RAB39A: variants seen among roughly 807,000 people sequenced by gnomAD.
RAB39A encodes the protein RAB39A, member RAS oncogene family.
In RAB39A, 17 loss-of-function variants were observed where a neutral mutation model predicts 20.9. The ratio of observed to expected loss-of-function variants is 0.81; its 90% CI spans 0.56 to 1.22. The LOEUF (loss-of-function observed/expected upper bound fraction) is 1.22, where lower values mean the gene tolerates loss of function less well. Ranked by LOEUF, RAB39A falls within the 50% of genes most tolerant of loss-of-function variation. The pLI is 0.00. For missense variants in RAB39A, 234 were observed against 270.5 expected (o/e 0.87, Z 0.95); for synonymous variants, 99 against 103.4 (o/e 0.96, Z 0.26).
chr11:107,933,678 T>TG (rs1861163913), intron 1 of RAB39A, among the ~76,000 whole-genome samples: 1 of 140,422 alleles, frequency 7.1e-6, no homozygotes, highest in Admixed American at 7.2e-5. Flanking sequence ...CACCTGTGAT[T>TG]CTTTTTTTTT....
intron 1 of RAB39A, among the ~76,000 whole-genome samples, chr11:107,958,678 A>G (rs1373704509): frequency 6.6e-6 from 1 of 152,220 alleles, no homozygotes; most frequent in African/African-American, 2.4e-5. Context: ...GGGTTTTTTT[A>G]TAATGTGTAT....
At chr11:107,951,026 C>G (rs995240632) in intron 1 of RAB39A, among the ~76,000 whole-genome samples, 3 of 152,104 alleles carry the variant, frequency 2.0e-5, no homozygotes, top group Non-Finnish European at 2.9e-5. Context: ...AAATATGACC[C>G]ATTACATCTT....
rs561399074 is a variant in RAB39A, at chr11:107,935,900, C to CTT, written c.227+7129_227+7130dup. Among the ~76,000 whole-genome samples, 82 of 81,570 alleles carry CTT rather than the reference C, an allele frequency of 1.0e-3. 1 individual carries two copies. The highest frequency in any genetic ancestry group is 3.3e-3 in the African/African-American group (71 of 21,390). The allele number at this position is 81,570 out of a possible 152,430, so 53.5% of individuals were successfully genotyped here. A position where few individuals can be genotyped will look rare whatever the true frequency, so the allele number is the denominator to read the frequency against. On this transcript the variant is annotated intron_variant, in intron 1 of 1. Transcript: ENST00000320578. ...AACGCAGCCCAGCAAGTCCTGGCCA[C>CTT]TTTTTTTTTTTTTTTTTTTTTTTTT...
intron 1 of RAB39A, among the ~76,000 whole-genome samples, chr11:107,957,841 A>G (rs954236777): frequency 2.0e-5 from 3 of 150,792 alleles, no homozygotes; most frequent in Admixed American, 1.3e-4. Context: ...CCATTCCCTG[A>G]CCCCACAATT....
In RAB39A at chr11:107,962,043, G is replaced by C; in HGVS notation, c.325G>C (p.Glu109Gln). Residue 109 changes from glutamate (E) to glutamine (Q), a missense_variant, in exon 2 of 2, where the codon GAA becomes CAA. Physicochemically the swap from Glu to Gln is conservative, Grantham distance 29 (BLOSUM62 2). Coordinates refer to ENST00000320578, the MANE Select transcript of RAB39A (RefSeq NM_017516.3). The stretch of plus-strand genomic sequence containing the variant: ...TTTTGAACATGTGAAAGATTGGCTA[G>C]AAGAAGCAAAAATGTATGTACAGCC... ...RSFEHVKDWLEEAKMYVQPFR... is the reference protein window; with the variant it reads ...RSFEHVKDWLQEAKMYVQPFR... 1 of 1,614,064 alleles carries C rather than the reference G, an allele frequency of 6.2e-7. No individual in the cohort carries two copies. Among genetic ancestry groups the C allele is most frequent in the Non-Finnish European group, 8.5e-7 (1 of 1,179,976 alleles).
Position 107,928,511 on chromosome 11 carries a change from C to A in RAB39A, c.-58C>A. The stretch of plus-strand genomic sequence containing the variant: ...CGCGAGGTGCTGAAAGGACAGTTCC[C>A]GCCGCCGAACTTAGCCCGCGGGTGG... On this transcript the variant is annotated 5_prime_UTR_variant, in exon 1 of 2. Coordinates refer to ENST00000320578, the MANE Select transcript of RAB39A (RefSeq NM_017516.3). This position sits in a 1 kb window ranked among gnomAD's most constrained non-coding sequence, Gnocchi z 4.9. 1 of 1,327,348 alleles carries A rather than the reference C, an allele frequency of 7.5e-7. No individual in the cohort carries two copies. The allele number at this position is 1,327,348 out of a possible 1,614,324, so 82.2% of individuals were successfully genotyped here. A position where few individuals can be genotyped will look rare whatever the true frequency, so the allele number is the denominator to read the frequency against.
At position 107,933,311 on chromosome 11, in the gene RAB39A, ATATGTGTGTG is replaced by A. The variant is rs1390666488; in HGVS notation, c.227+4518_227+4527del. On this transcript the variant is annotated intron_variant, in intron 1 of 1. Coordinates refer to ENST00000320578, the MANE Select transcript of RAB39A (RefSeq NM_017516.3). Reference sequence around the variant, plus strand: ...CTTTCCTGTGATTCTTTATATATATATATGTGTGTGTGTGTGTGTGTGTGTGTGTGTGTGT... The same window carrying A: ...CTTTCCTGTGATTCTTTATATATATATGTGTGTGTGTGTGTGTGTGTGTGT... 1.4e-3 allele frequency among the ~76,000 whole-genome samples: 71 copies of A among 51,998 alleles called. 1 individual carries two copies. Among genetic ancestry groups the A allele is most frequent in the South Asian group, 1.9e-3 (2 of 1,048 alleles). 34.1% of individuals were successfully genotyped at this position (51,998 alleles called of 152,430 possible). A position where few individuals can be genotyped will look rare whatever the true frequency, so the allele number is the denominator to read the frequency against.
intron 1 of RAB39A, among the ~76,000 whole-genome samples, chr11:107,960,055 C>G (rs1350843861): frequency 6.6e-6 from 1 of 152,000 alleles, no homozygotes; most frequent in African/African-American, 2.4e-5. Flanking sequence ...ACTAAAAATA[C>G]AAAAATTAGC....
intron 1 of RAB39A, among the ~76,000 whole-genome samples, chr11:107,958,565 C>A (rs1861461879): frequency 6.6e-6 from 1 of 152,206 alleles, no homozygotes; most frequent in African/African-American, 2.4e-5. Context: ...ATATCTGAAT[C>A]TGAAGCCCCA....
chr11:107,960,245 GTA>G (rs1469795623), intron 1 of RAB39A, among the ~76,000 whole-genome samples: 22 of 151,670 alleles, frequency 1.5e-4, no homozygotes, highest in Non-Finnish European at 5.9e-5. Context: ...AACAAACATT[GTA>G]TGACATCTGT....
At chr11:107,937,943 T>C (rs562032254) in intron 1 of RAB39A, among the ~76,000 whole-genome samples, 1 of 152,304 alleles carries the variant, frequency 6.6e-6, no homozygotes, top group African/African-American at 2.4e-5. Context: ...GTAGGTATTA[T>C]GGGTCAGATA....
chr11:107,945,402 CT>C (rs1380537623), intron 1 of RAB39A, among the ~76,000 whole-genome samples: 2 of 151,058 alleles, frequency 1.3e-5, no homozygotes, highest in Admixed American at 6.6e-5. Flanking sequence ...TTTTTTCCCC[CT>C]GAAACCTTAC....
intron 1 of RAB39A, among the ~76,000 whole-genome samples, chr11:107,947,226 C>A (rs962597016): frequency 6.6e-6 from 1 of 151,974 alleles, no homozygotes; most frequent in African/African-American, 2.4e-5. Context: ...CTCAGCCTCC[C>A]GAGTAGCTGG....
At chr11:107,952,647 C>T (rs1462527278) in intron 1 of RAB39A, among the ~76,000 whole-genome samples, 2 of 151,720 alleles carry the variant, frequency 1.3e-5, no homozygotes, top group Non-Finnish European at 2.9e-5. Context: ...TTTGGGAGGC[C>T]GAGGCAGGCA....
intron 1 of RAB39A, among the ~76,000 whole-genome samples, chr11:107,960,640 G>C (rs997912121): frequency 5.9e-5 from 9 of 152,150 alleles, no homozygotes; most frequent in African/African-American, 2.2e-4. Flanking sequence ...TCAGCATCAA[G>C]GATACTAATA....
At chr11:107,950,036 C>T (rs1024178376) in intron 1 of RAB39A, among the ~76,000 whole-genome samples, 2 of 151,952 alleles carry the variant, frequency 1.3e-5, no homozygotes, top group African/African-American at 4.8e-5. Context: ...AAAAATTAGC[C>T]GGGCGTGGTG....
chr11:107,930,455 T>C (rs538521678), intron 1 of RAB39A, among the ~76,000 whole-genome samples: 3 of 152,182 alleles, frequency 2.0e-5, no homozygotes, highest in Non-Finnish European at 4.4e-5. Context: ...CCCTCTGAAG[T>C]GAATACAATA....
chr11:107,953,512 C>T (rs561343918), intron 1 of RAB39A, among the ~76,000 whole-genome samples: 6 of 152,252 alleles, frequency 3.9e-5, no homozygotes, highest in Admixed American at 1.3e-4. Flanking sequence ...TCTGCCTGCT[C>T]ACCCCCTGCC....
chr11:107,957,195 T>C (rs1861445514), intron 1 of RAB39A, among the ~76,000 whole-genome samples: 1 of 152,124 alleles, frequency 6.6e-6, no homozygotes, highest in African/African-American at 2.4e-5. Flanking sequence ...GATGTTGAAA[T>C]CAGTAAGCAG....
Sources: allele counts gnomAD v4.1 joint callset (sites outside exome capture counted in the v4.1 genomes callset), GRCh38; gene constraint gnomAD v4.1.1; non-coding constraint Gnocchi (gnomAD v3.1); transcripts MANE v1.5; gene names NCBI Gene and HGNC (gene_info 2026-07-23, HGNC 2026-07-21).